COL11A1: variants seen among roughly 807,000 people sequenced by gnomAD.
COL11A1 encodes collagen type XI alpha 1 chain, also known as collagen alpha-1(XI) chain.
In COL11A1, 74 loss-of-function variants were observed where a neutral mutation model predicts 265.2. The observed-to-expected ratio is 0.28, with a 90% CI of 0.23 to 0.34. COL11A1 has a LOEUF of 0.34. Among genes scored for constraint, COL11A1 ranks in the 10% least tolerant of loss-of-function variants. The pLI is 1.00. For missense variants in COL11A1, 2,165 were observed against 2,263.6 expected (o/e 0.96, Z 0.88); for synonymous variants, 816 against 727.6 (o/e 1.12, Z -1.96).
chr1:102,937,164 T>C (rs1658233069), intron 44 of COL11A1, among the ~76,000 whole-genome samples: 1 of 152,170 alleles, frequency 6.6e-6, no homozygotes, highest in Non-Finnish European at 1.5e-5. Context: ...ATATCAGCTT[T>C]CATTCATATG....
intron 4 of COL11A1, among the ~76,000 whole-genome samples, chr1:103,037,448 C>T (rs959168342): frequency 6.6e-6 from 1 of 152,066 alleles, no homozygotes; most frequent in Non-Finnish European, 1.5e-5. Flanking sequence ...TCAGCCTGAG[C>T]ATCCACTGAA....
intron 3 of COL11A1, among the ~76,000 whole-genome samples, chr1:103,077,094 T>C (rs1276897641): frequency 6.6e-6 from 1 of 152,074 alleles, no homozygotes; most frequent in Non-Finnish European, 1.5e-5. Flanking sequence ...ATGAAAAAAA[T>C]TAATACTACT....
Position 102,971,525 on chromosome 1 carries a change from T to C in COL11A1, c.2809-1253A>G, listed in dbSNP as rs147705512. Among the ~76,000 whole-genome samples, 12 of 152,302 alleles carry C rather than the reference T, an allele frequency of 7.9e-5. No homozygotes were observed. In the East Asian group the frequency reaches 2.3e-3, roughly 29 times the overall value. ...TAAATTATAACAGGTACACCTCTCA[T>C]TGTATGTTAATTATTTAAATAAAAT... is the stretch of plus-strand genomic sequence containing the variant. On this transcript the variant is annotated intron_variant, in intron 36 of 66. Coordinates refer to ENST00000370096, the MANE Select transcript of COL11A1 (RefSeq NM_001854.4).
chr1:102,948,689 A>G (rs1359078893), intron 41 of COL11A1, among the ~76,000 whole-genome samples: 2 of 151,980 alleles, frequency 1.3e-5, no homozygotes, highest in Non-Finnish European at 2.9e-5. Flanking sequence ...TATAGTTATA[A>G]GAGAAAATTG....
chr1:102,916,430 A>AG (rs1367763051), intron 49 of COL11A1, among the ~76,000 whole-genome samples: 4 of 151,898 alleles, frequency 2.6e-5, no homozygotes, highest in Non-Finnish European at 5.9e-5. Context: ...AAGTAAAACA[A>AG]TACATTCATT....
chr1:102,899,274 T>C (rs1652868210), intron 54 of COL11A1, among the ~76,000 whole-genome samples: 2 of 152,110 alleles, frequency 1.3e-5, no homozygotes, highest in Non-Finnish European at 1.5e-5. Flanking sequence ...TGCTGATGAA[T>C]TAAAATCGCC....
At chr1:102,988,100 T>G (rs1217905744) in intron 29 of COL11A1, among the ~76,000 whole-genome samples, 1 of 152,136 alleles carries the variant, frequency 6.6e-6, no homozygotes, top group African/African-American at 2.4e-5. Flanking sequence ...ATTACTCCTG[T>G]AAATAACATC....
intron 4 of COL11A1, among the ~76,000 whole-genome samples, chr1:103,050,545 A>C (rs1175822536): frequency 6.6e-6 from 1 of 152,010 alleles, no homozygotes; most frequent in African/African-American, 2.4e-5. Context: ...CATTGGTTCG[A>C]ACTTCCTCCT....
Position 103,046,246 on chromosome 1 carries a change from G to C in COL11A1, c.652-15002C>G, listed in dbSNP as rs1232242109. The stretch of plus-strand genomic sequence containing the variant: ...TTACAGTCCCACCAACAGTGTAAAA[G>C]TGTTCCTATTTCTCCACATCCTCTC... On this transcript the variant is annotated intron_variant, in intron 4 of 66. Coordinates refer to ENST00000370096, the MANE Select transcript of COL11A1 (RefSeq NM_001854.4). Among the ~76,000 whole-genome samples, 3 of 103,200 alleles carry C rather than the reference G, an allele frequency of 2.9e-5. No individual in the cohort carries two copies. The Admixed American group carries it at 3.3e-4, about 11-fold the overall frequency. The allele number at this position is 103,200 out of a possible 152,430, so 67.7% of individuals were successfully genotyped here. A position where few individuals can be genotyped will look rare whatever the true frequency, so the allele number is the denominator to read the frequency against.
At chr1:103,049,787 T>C (rs12119661) in intron 4 of COL11A1, among the ~76,000 whole-genome samples, 33,055 of 152,016 alleles carry the variant, frequency 0.22, 3,826 homozygotes, top group African/African-American at 0.27. Flanking sequence ...TCTTGTAGGG[T>C]AGGCCTGGTG....
chr1:102,906,039 T>C (rs1264089131), intron 54 of COL11A1, among the ~76,000 whole-genome samples: 1 of 152,180 alleles, frequency 6.6e-6, no homozygotes, highest in Non-Finnish European at 1.5e-5. Context: ...AATAGGTTTA[T>C]TTAGTTTATA....
chr1:103,078,990 T>G, intron 2 of COL11A1, 119 bp from the exon 3 acceptor site: 1 of 703,002 alleles, frequency 1.4e-6, no homozygotes, highest in Admixed American at 2.4e-5. Context: ...TAACTTTGAA[T>G]AGTAAACAGA....
chr1:103,019,634 A>T (rs1666840928), intron 9 of COL11A1, among the ~76,000 whole-genome samples: 1 of 151,810 alleles, frequency 6.6e-6, no homozygotes, highest in African/African-American at 2.4e-5. Flanking sequence ...CATGTGCACA[A>T]TGTGCAGGTT....
intron 5 of COL11A1, among the ~76,000 whole-genome samples, chr1:103,028,894 T>C (rs1310191411): frequency 1.3e-5 from 2 of 152,152 alleles, no homozygotes; most frequent in Non-Finnish European, 2.9e-5. Context: ...ATCTAATTTT[T>C]TATAAGATAG....
intron 51 of COL11A1, 40 bp downstream of exon 51, chr1:102,914,664 T>G (rs910209438): frequency 6.9e-7 from 1 of 1,459,476 alleles, no homozygotes; most frequent in Non-Finnish European, 9.6e-7. Flanking sequence ...AAGGTGAGTT[T>G]GGCATAAATG....
chr1:103,103,625 C>A (rs1445724433), intron 1 of COL11A1, among the ~76,000 whole-genome samples: 1 of 151,848 alleles, frequency 6.6e-6, no homozygotes, highest in Non-Finnish European at 1.5e-5. Flanking sequence ...TAAACTCTAG[C>A]AAATATATGG....
intron 46 of COL11A1, among the ~76,000 whole-genome samples, chr1:102,930,076 C>A (rs1180328647): frequency 6.6e-6 from 1 of 152,028 alleles, no homozygotes; most frequent in Non-Finnish European, 1.5e-5. Context: ...AATTGAATAC[C>A]CTTTATTTCC....
intron 3 of COL11A1, among the ~76,000 whole-genome samples, chr1:103,075,878 T>C (rs1298972221): frequency 6.6e-6 from 1 of 152,140 alleles, no homozygotes; most frequent in Non-Finnish European, 1.5e-5. Flanking sequence ...TCAACTGGCA[T>C]AGGTGTCTGC....
intron 46 of COL11A1, among the ~76,000 whole-genome samples, chr1:102,933,939 T>C (rs1294587309): frequency 6.6e-6 from 1 of 152,028 alleles, no homozygotes; most frequent in African/African-American, 2.4e-5. Flanking sequence ...TGCCTGGCCC[T>C]GCTTCGGCTC....
Sources: allele counts gnomAD v4.1 joint callset (sites outside exome capture counted in the v4.1 genomes callset), GRCh38; gene constraint gnomAD v4.1.1; transcripts MANE v1.5; gene names NCBI Gene and HGNC (gene_info 2026-07-23, HGNC 2026-07-21).